The following MAGI2 variants were observed in gnomAD, a reference collection of about 807,000 sequenced individuals.
The protein encoded by MAGI2 is membrane-associated guanylate kinase, WW and PDZ domain-containing protein 2.
In MAGI2, 35 loss-of-function variants were observed where a neutral mutation model predicts 133.3. That is an observed-to-expected ratio of 0.26 (90% CI 0.20 to 0.35). The LOEUF is 0.35. MAGI2 is among the 10% of genes least tolerant of loss of function. The pLI is 1.00. For missense variants in MAGI2, 1,636 were observed against 1,863.4 expected, an observed-to-expected ratio of 0.88 and a Z score of 2.25; for synonymous variants, 729 against 710.6, an observed-to-expected ratio of 1.03 and a Z score of -0.41.
chr7:78,901,252 T>C (rs1407283291), intron 2 of MAGI2: 3 of 152,194 alleles, frequency 2.0e-5, no homozygotes, highest in African/African-American at 7.2e-5. Flanking sequence ...TTTGAAAAAT[T>C]CAGACCAATA....
chr7:78,175,951 G>A (rs754895716), intron 14 of MAGI2, among the ~76,000 whole-genome samples: 5 of 152,214 alleles, frequency 3.3e-5, no homozygotes, highest in Non-Finnish European at 7.3e-5. Context: ...AGGAGGTTCT[G>A]TAGCATAAAT....
rs561848270 is a variant in MAGI2 at position 78,709,814 on chromosome 7, G to A, written c.419-82575C>T. On this transcript the variant is annotated intron_variant, in intron 2 of 21. Coordinates refer to ENST00000354212, the MANE Select transcript of MAGI2 (RefSeq NM_012301.4). Reference sequence around the variant, plus strand: ...CCTGGCATTTACACATGATCTTTTGGTATTGACTTTTTGCCTGGTCTATGT... The same window carrying A: ...CCTGGCATTTACACATGATCTTTTGATATTGACTTTTTGCCTGGTCTATGT... Among the ~76,000 whole-genome samples, 4 of 152,084 alleles carry A rather than the reference G, an allele frequency of 2.6e-5. No individual in the cohort carries two copies. The South Asian group carries it at 6.2e-4, about 24-fold the overall frequency.
At chr7:78,557,414 A>T (rs1799946965) in intron 3 of MAGI2, among the ~76,000 whole-genome samples, 1 of 152,160 alleles carries the variant, frequency 6.6e-6, no homozygotes, top group Non-Finnish European at 1.5e-5. Flanking sequence ...TGCTAACAAA[A>T]GGCTGCCTTT....
At chr7:79,027,612 G>T (rs1264872880) in intron 1 of MAGI2, among the ~76,000 whole-genome samples, 1 of 152,060 alleles carries the variant, frequency 6.6e-6, no homozygotes, top group Non-Finnish European at 1.5e-5. Flanking sequence ...TATACTGCAC[G>T]ATATGGTGAA....
At chr7:78,621,459 A>G (rs1242541143) in intron 3 of MAGI2, among the ~76,000 whole-genome samples, 2 of 152,014 alleles carry the variant, frequency 1.3e-5, no homozygotes, top group Admixed American at 1.3e-4. Context: ...GTGAGGATGA[A>G]ATCATCCGAG....
intron 1 of MAGI2, among the ~76,000 whole-genome samples, chr7:79,036,916 A>T (rs1297141517): frequency 6.6e-6 from 1 of 152,216 alleles, no homozygotes; most frequent in Non-Finnish European, 1.5e-5. Context: ...TGTAAAAATT[A>T]TGTTAATCTT....
chr7:78,402,103 T>A lies in MAGI2; in HGVS notation c.1046-32890A>T, dbSNP rs1411333081. Reference sequence around the variant, plus strand: ...CAAAGATTCTCTTATATTAAAGTTATTTGTTTACATACCTGTCTCCCATTA... The same window carrying A: ...CAAAGATTCTCTTATATTAAAGTTAATTGTTTACATACCTGTCTCCCATTA... On this transcript the variant is annotated intron_variant, in intron 6 of 21. Transcript: ENST00000354212. 7.2e-5 allele frequency among the ~76,000 whole-genome samples: 11 copies of A among 152,318 alleles called. No individual in the cohort carries two copies. In the East Asian group the frequency reaches 2.1e-3, roughly 29 times the overall value.
intron 2 of MAGI2, among the ~76,000 whole-genome samples, chr7:78,882,083 CAACAAA>C (rs1795896871): frequency 7.0e-5 from 1 of 14,340 alleles, no homozygotes; most frequent in African/African-American, 3.2e-4. Flanking sequence ...ACAACAACAA[CAACAAA>C]AAAAAAAAAA....
In MAGI2 at chr7:79,198,918, A is replaced by G. The variant is rs1256939342; in HGVS notation, c.302-191712T>C. ...ATAAATAAATAGTAAGAGGTAAAAG[A>G]GATGCAGGACCATTTCATCCCTCAG... On this transcript the variant is annotated intron_variant, in intron 1 of 21. Coordinates refer to ENST00000354212, the MANE Select transcript of MAGI2 (RefSeq NM_012301.4). Among the ~76,000 whole-genome samples the G allele has an allele frequency of 2.0e-5, 3 of 152,048 alleles. No individual in the cohort carries two copies. In the East Asian group the frequency reaches 5.8e-4, roughly 29 times the overall value.
At chr7:78,195,430 T>G (rs1009313347) in intron 11 of MAGI2, among the ~76,000 whole-genome samples, 11 of 152,214 alleles carry the variant, frequency 7.2e-5, no homozygotes, top group Non-Finnish European at 1.3e-4. Flanking sequence ...TGGTATTAGT[T>G]GTTCCTTTTC....
At chr7:78,556,604 A>G (rs1282551807) in intron 3 of MAGI2, among the ~76,000 whole-genome samples, 2 of 152,200 alleles carry the variant, frequency 1.3e-5, no homozygotes, top group African/African-American at 4.8e-5. Context: ...ATAGGTGAGA[A>G]GAGCCCTGGG....
At chr7:78,659,235 G>A (rs1407634121) in intron 2 of MAGI2, among the ~76,000 whole-genome samples, 1 of 151,784 alleles carries the variant, frequency 6.6e-6, no homozygotes, top group Non-Finnish European at 1.5e-5. Context: ...CGGATCACGA[G>A]GTCAGGAGAT....
intron 20 of MAGI2, among the ~76,000 whole-genome samples, chr7:78,105,842 T>G (rs1818628175): frequency 6.6e-6 from 1 of 152,184 alleles, no homozygotes; most frequent in African/African-American, 2.4e-5. Context: ...TCCAAGAATT[T>G]ATCATTTCTT....
At chr7:78,773,989 G>A (rs941382444) in intron 2 of MAGI2, among the ~76,000 whole-genome samples, 3 of 152,084 alleles carry the variant, frequency 2.0e-5, no homozygotes, top group Admixed American at 1.3e-4. Context: ...ATATCACTGG[G>A]TTCCACTCCA....
chr7:79,339,466 T>TTTG (rs1554450148), intron 1 of MAGI2, among the ~76,000 whole-genome samples: 2 of 143,828 alleles, frequency 1.4e-5, no homozygotes, highest in African/African-American at 5.1e-5. Context: ...TTGTTTTTGT[T>TTTG]TTTTTTTTTT....
chr7:78,062,975 A>G (rs944653530), intron 21 of MAGI2, among the ~76,000 whole-genome samples: 15 of 152,266 alleles, frequency 9.9e-5, no homozygotes, highest in African/African-American at 3.6e-4. Context: ...ATTTTCATCA[A>G]TGAAATGACT....
At chr7:78,539,622 A>T (rs540991715) in intron 3 of MAGI2, among the ~76,000 whole-genome samples, 1 of 152,096 alleles carries the variant, frequency 6.6e-6, no homozygotes, top group Non-Finnish European at 1.5e-5. Flanking sequence ...AGAATTTTTA[A>T]ATTTCCATCT....
intron 1 of MAGI2, among the ~76,000 whole-genome samples, chr7:79,209,265 A>G (rs1326504483): frequency 6.6e-6 from 1 of 152,058 alleles, no homozygotes; most frequent in Non-Finnish European, 1.5e-5. Context: ...ACTTCAAAAC[A>G]TTATATTGTA....
chr7:78,886,410 A>T (rs1796273557), intron 2 of MAGI2, among the ~76,000 whole-genome samples: 2 of 152,172 alleles, frequency 1.3e-5, no homozygotes, highest in Admixed American at 1.3e-4. Flanking sequence ...AAATCCATGG[A>T]TGTAATAAGC....
Sources: allele counts gnomAD v4.1 joint callset (sites outside exome capture counted in the v4.1 genomes callset), GRCh38; gene constraint gnomAD v4.1.1; transcripts MANE v1.5; gene names NCBI Gene and HGNC (gene_info 2026-07-23, HGNC 2026-07-21).